The following ATP8A2 variants were observed in gnomAD, a reference collection of about 807,000 sequenced individuals.
ATP8A2 encodes ATPase phospholipid transporting 8A2.
In ATP8A2, 100 loss-of-function variants were observed where a neutral mutation model predicts 165.6. The ratio of observed to expected loss-of-function variants is 0.60; its 90% CI spans 0.51 to 0.71. ATP8A2 has a LOEUF of 0.71. ATP8A2 is among the 30% of genes least tolerant of loss of function. The pLI is 0.00. For synonymous variants in ATP8A2, 543 were observed against 548.8 expected, an observed-to-expected ratio of 0.99 and a Z score of 0.15; for missense variants, 1,227 against 1,479.5, an observed-to-expected ratio of 0.83 and a Z score of 2.80.
chr13:25,679,327 G>T (rs535558966), intron 24 of ATP8A2, among the ~76,000 whole-genome samples: 1 of 152,288 alleles, frequency 6.6e-6, no homozygotes, highest in Non-Finnish European at 1.5e-5. Flanking sequence ...TGAAAAAATT[G>T]AGACTGAGTT....
chr13:25,716,841 A>C (rs2043265991), intron 25 of ATP8A2, among the ~76,000 whole-genome samples: 1 of 152,194 alleles, frequency 6.6e-6, no homozygotes, highest in Admixed American at 6.5e-5. Context: ...AAAGAGGAAA[A>C]AGAAGCAAAT....
intron 33 of ATP8A2, among the ~76,000 whole-genome samples, chr13:25,935,034 A>T (rs1261597389): frequency 1.3e-5 from 2 of 152,194 alleles, no homozygotes; most frequent in Non-Finnish European, 2.9e-5. Context: ...AGTGCTAAGG[A>T]TGCTACTAAG....
intron 27 of ATP8A2, among the ~76,000 whole-genome samples, chr13:25,789,545 C>G: frequency 6.6e-6 from 1 of 152,118 alleles, no homozygotes; most frequent in East Asian, 1.9e-4. Context: ...AAGGCCTCTA[C>G]AGTGAGAAAT....
chr13:25,776,912 C>T (rs532674906), intron 27 of ATP8A2, among the ~76,000 whole-genome samples: 2 of 152,066 alleles, frequency 1.3e-5, no homozygotes, highest in East Asian at 3.9e-4. Context: ...CAATCTTTCA[C>T]TTTTCAGATC....
At chr13:25,896,833 T>C (rs1233743420) in intron 33 of ATP8A2, among the ~76,000 whole-genome samples, 2 of 152,194 alleles carry the variant, frequency 1.3e-5, no homozygotes, top group Non-Finnish European at 2.9e-5. Flanking sequence ...AAAGTCTGTT[T>C]TATCAGAGAC....
chr13:25,865,125 A>C (rs1952470333), intron 33 of ATP8A2, among the ~76,000 whole-genome samples: 1 of 152,216 alleles, frequency 6.6e-6, no homozygotes. Context: ...GTCATAAAAA[A>C]GAGGAACTGG....
At chr13:25,615,365 C>G (rs915655754) in intron 24 of ATP8A2, among the ~76,000 whole-genome samples, 2 of 152,056 alleles carry the variant, frequency 1.3e-5, no homozygotes, top group Non-Finnish European at 2.9e-5. Context: ...CCATGAAGCC[C>G]GAAAGGCTGG....
chr13:25,731,765 G>A (rs1324946829), intron 25 of ATP8A2, among the ~76,000 whole-genome samples: 2 of 152,168 alleles, frequency 1.3e-5, no homozygotes, highest in African/African-American at 4.8e-5. Flanking sequence ...AAGCACATGA[G>A]GTGACGAATA....
intron 16 of ATP8A2, among the ~76,000 whole-genome samples, chr13:25,564,789 G>C (rs1232092242): frequency 6.6e-6 from 1 of 152,124 alleles, no homozygotes; most frequent in East Asian, 1.9e-4. Context: ...GAGATTTTGT[G>C]AGATTGTGGT....
chr13:26,016,654 C>T (rs527755577), intron 36 of ATP8A2, among the ~76,000 whole-genome samples: 1 of 152,288 alleles, frequency 6.6e-6, no homozygotes, highest in African/African-American at 2.4e-5. Flanking sequence ...TGAGTTCCCC[C>T]CAACCAGGAG....
intron 2 of ATP8A2, among the ~76,000 whole-genome samples, chr13:25,503,859 CGCACACACTGGGTGCAAGATAGCA>C (rs909973938): frequency 1.3e-5 from 2 of 152,112 alleles, no homozygotes; most frequent in African/African-American, 4.8e-5. Flanking sequence ...GATGTGTGTG[CGCACACACTGGGTGCAAGATAGCA>C]GCTCAGAGCC....
intron 30 of ATP8A2, among the ~76,000 whole-genome samples, chr13:25,852,309 C>A (rs1241546744): frequency 6.6e-6 from 1 of 152,156 alleles, no homozygotes; most frequent in African/African-American, 2.4e-5. Context: ...ACCAAGCAGT[C>A]TGCGATGCAC....
intron 1 of ATP8A2, among the ~76,000 whole-genome samples, chr13:25,395,639 G>A (rs1048153758): frequency 2.0e-5 from 3 of 152,088 alleles, no homozygotes; most frequent in African/African-American, 7.2e-5. Context: ...GGGCTCAAAC[G>A]ATCCTCCCAG....
chr13:25,897,356 T>C (rs1953588691), intron 33 of ATP8A2, among the ~76,000 whole-genome samples: 1 of 152,224 alleles, frequency 6.6e-6, no homozygotes, highest in Admixed American at 6.5e-5. Context: ...TGTTGAATAT[T>C]GGCCCCCACT....
chr13:25,610,888 T>TA (rs1368408161), intron 24 of ATP8A2, among the ~76,000 whole-genome samples: 1 of 150,472 alleles, frequency 6.6e-6, no homozygotes, highest in East Asian at 1.9e-4. Flanking sequence ...TATTCCTTTT[T>TA]TTTTTTTTTT....
chr13:25,434,058 C>T (rs1291468666), intron 1 of ATP8A2, among the ~76,000 whole-genome samples: 2 of 152,100 alleles, frequency 1.3e-5, no homozygotes, highest in Admixed American at 6.6e-5. Context: ...AACCCAGTCC[C>T]CACCAGGATG....
chr13:25,925,657 G>A (rs1317556844), intron 33 of ATP8A2, among the ~76,000 whole-genome samples: 2 of 151,890 alleles, frequency 1.3e-5, no homozygotes, highest in Admixed American at 6.6e-5. Flanking sequence ...GAACAAACAT[G>A]TAAAATATGT....
chr13:25,504,746 CAAAA>C (rs34066777), intron 2 of ATP8A2, among the ~76,000 whole-genome samples: 2 of 84,806 alleles, frequency 2.4e-5, no homozygotes, highest in Non-Finnish European at 2.1e-5. Flanking sequence ...GACTCCGTCT[CAAAA>C]AAAAAAAAAA....
chr13:25,466,320 C>A (rs1240166553), intron 1 of ATP8A2, among the ~76,000 whole-genome samples: 1 of 152,064 alleles, frequency 6.6e-6, no homozygotes, highest in Non-Finnish European at 1.5e-5. Flanking sequence ...GCTCTTCTTG[C>A]CCTTGCCCAC....
Sources: allele counts gnomAD v4.1 joint callset (sites outside exome capture counted in the v4.1 genomes callset), GRCh38; gene constraint gnomAD v4.1.1; transcripts MANE v1.5; gene names NCBI Gene and HGNC (gene_info 2026-07-23, HGNC 2026-07-21).